Variants in KCNIP1 observed in about 807,000 individuals in gnomAD.
KCNIP1 encodes A-type potassium channel modulatory protein KCNIP1.
A neutral mutation model predicts 33.0 loss-of-function variants in KCNIP1; 18 were observed. The ratio of observed to expected loss-of-function variants is 0.55; its 90% CI spans 0.38 to 0.81. The LOEUF (loss-of-function observed/expected upper bound fraction) is 0.81, where lower values mean the gene tolerates loss of function less well. Among genes scored for constraint, KCNIP1 ranks in the 30% least tolerant of loss-of-function variants. The probability of loss-of-function intolerance (pLI) is 0.00; values close to 1 mark genes in which losing one functional copy is unlikely to be tolerated. For synonymous variants in KCNIP1, 93 were observed against 98.3 expected (o/e 0.95, Z 0.32); for missense variants, 238 against 271.6 (o/e 0.88, Z 0.87).
At chr5:170,367,413 GAAA>G (rs1431922050) in intron 1 of KCNIP1, among the ~76,000 whole-genome samples, 303 of 90,808 alleles carry the variant, frequency 3.3e-3, no homozygotes, top group African/African-American at 9.9e-3. Context: ...AAGAAAGAAA[GAAA>G]GAAAGGAAAG....
intron 1 of KCNIP1, among the ~76,000 whole-genome samples, chr5:170,684,976 CT>C (rs528795668): frequency 5.5e-4 from 84 of 152,228 alleles, no homozygotes; most frequent in African/African-American, 2.0e-3. Flanking sequence ...TCCCATCCTT[CT>C]CTCTGTCTAC....
At chr5:170,564,833 G>T (rs1242480531) in intron 1 of KCNIP1, among the ~76,000 whole-genome samples, 1 of 151,894 alleles carries the variant, frequency 6.6e-6, no homozygotes, top group Non-Finnish European at 1.5e-5. Context: ...AATCTATCAG[G>T]TTTCATCCAT....
chr5:170,603,501 C>A (rs1415023779), intron 1 of KCNIP1, among the ~76,000 whole-genome samples: 2 of 152,178 alleles, frequency 1.3e-5, no homozygotes, highest in South Asian at 4.1e-4. Context: ...CAGATGCCAA[C>A]CCCGGATGCA....
chr5:170,547,247 C>T (rs551452158), intron 1 of KCNIP1, among the ~76,000 whole-genome samples: 18 of 152,214 alleles, frequency 1.2e-4, no homozygotes, highest in Non-Finnish European at 2.5e-4. Flanking sequence ...TTATCATCGT[C>T]TTCCATTATT....
intron 1 of KCNIP1, among the ~76,000 whole-genome samples, chr5:170,523,841 T>G (rs1253685966): frequency 6.6e-6 from 1 of 152,140 alleles, no homozygotes; most frequent in Non-Finnish European, 1.5e-5. Context: ...TCAGTCCATA[T>G]TCTCTTCCCA....
At chr5:170,588,251 A>G (rs1266406530) in intron 1 of KCNIP1, among the ~76,000 whole-genome samples, 1 of 152,162 alleles carries the variant, frequency 6.6e-6, no homozygotes, top group Non-Finnish European at 1.5e-5. Context: ...TCCATTTCTC[A>G]GATGAGGGAC....
intron 1 of KCNIP1, among the ~76,000 whole-genome samples, chr5:170,458,332 C>T (rs985393459): frequency 1.3e-5 from 2 of 152,048 alleles, no homozygotes; most frequent in African/African-American, 4.8e-5. Context: ...CATCCAAATA[C>T]AAGAGGCTCA....
chr5:170,731,572 G>A (rs62392782), intron 5 of KCNIP1, among the ~76,000 whole-genome samples: 52,859 of 151,798 alleles, frequency 0.35, 10,375 homozygotes, highest in Non-Finnish European at 0.45. Flanking sequence ...GCACTTGCCT[G>A]TAGTCCCAGC....
intron 1 of KCNIP1, among the ~76,000 whole-genome samples, chr5:170,683,621 C>T (rs1350287012): frequency 6.6e-6 from 1 of 152,120 alleles, no homozygotes; most frequent in Non-Finnish European, 1.5e-5. Flanking sequence ...TACACCAGGA[C>T]CAATGTAATG....
At chr5:170,596,630 G>C (rs536107034) in intron 1 of KCNIP1, among the ~76,000 whole-genome samples, 2 of 152,332 alleles carry the variant, frequency 1.3e-5, no homozygotes, top group South Asian at 4.1e-4. Context: ...AAACCACTGG[G>C]GGCCAGTGCC....
rs1324420085 is a variant in KCNIP1, at chr5:170,390,512, AAAC to A, written c.88+36551_88+36553del. 1.8e-4 allele frequency among the ~76,000 whole-genome samples: 14 copies of A among 78,054 alleles called. 2 individuals are homozygous for A. The highest frequency in any genetic ancestry group is 1.3e-3 in the East Asian group (3 of 2,332). 51.2% of individuals were successfully genotyped at this position (78,054 alleles called of 152,430 possible). Reference sequence around the variant, plus strand: ...AGCGAGACCCCGTCTCAAAAAAAAAAAACAAATATATATATATATATATATATT... The same window carrying A: ...AGCGAGACCCCGTCTCAAAAAAAAAAAAATATATATATATATATATATATT... On this transcript the variant is annotated intron_variant, in intron 1 of 7. Transcript: ENST00000377360.
chr5:170,711,279 T>C (rs1001142302), intron 1 of KCNIP1, among the ~76,000 whole-genome samples: 2 of 152,224 alleles, frequency 1.3e-5, no homozygotes, highest in Non-Finnish European at 2.9e-5. Context: ...GGCATTTGAG[T>C]TTCTAATCCA....
chr5:170,418,317 G>A (rs1259330113), intron 1 of KCNIP1, among the ~76,000 whole-genome samples: 1 of 152,180 alleles, frequency 6.6e-6, no homozygotes, highest in African/African-American at 2.4e-5. Flanking sequence ...TGTAATCCCA[G>A]CTACTGGGGA....
intron 1 of KCNIP1, among the ~76,000 whole-genome samples, chr5:170,457,379 G>A (rs533032712): frequency 6.6e-6 from 1 of 152,238 alleles, no homozygotes; most frequent in Non-Finnish European, 1.5e-5. Flanking sequence ...CATAACGACT[G>A]CAGGAATAAA....
intron 1 of KCNIP1, among the ~76,000 whole-genome samples, chr5:170,715,335 C>A (rs571239690): frequency 2.4e-4 from 37 of 152,216 alleles, no homozygotes; most frequent in African/African-American, 8.7e-4. Flanking sequence ...CAGAGCGTAT[C>A]CCTGTTGTTA....
At chr5:170,493,059 C>T in intron 1 of KCNIP1, among the ~76,000 whole-genome samples, 1 of 152,224 alleles carries the variant, frequency 6.6e-6, no homozygotes, top group East Asian at 1.9e-4. Context: ...CTTTCTATGA[C>T]ACCACAGATG....
chr5:170,734,098 G>A (rs1019252927), intron 7 of KCNIP1, among the ~76,000 whole-genome samples, 200 bp downstream of exon 7: 15 of 152,116 alleles, frequency 9.9e-5, no homozygotes, highest in Non-Finnish European at 1.9e-4. Flanking sequence ...CTAAGCACAA[G>A]ACTGAACAGA....
At chr5:170,669,456 G>T (rs1271305742) in intron 1 of KCNIP1, 2 of 910,604 alleles carry the variant, frequency 2.2e-6, no homozygotes, top group African/African-American at 3.6e-5. Flanking sequence ...TGTATTTAAA[G>T]TAATAGAGTG....
intron 1 of KCNIP1, among the ~76,000 whole-genome samples, chr5:170,437,496 A>C (rs1251160074): frequency 6.6e-6 from 1 of 152,170 alleles, no homozygotes; most frequent in Non-Finnish European, 1.5e-5. Flanking sequence ...CATTTGAGAG[A>C]CCAGAGATGA....
Sources: gnomAD v4.1 joint callset for allele counts (sites outside exome capture counted in the v4.1 genomes callset) on GRCh38, gnomAD v4.1.1 for gene constraint, MANE v1.5 for transcripts, NCBI Gene and HGNC (gene_info 2026-07-23, HGNC 2026-07-21) for gene names.